Variants in DNAH14 observed in about 807,000 individuals in gnomAD.
The protein encoded by DNAH14 is axonemal beta dynein heavy chain 14.
In DNAH14, 478 loss-of-function variants were observed where a neutral mutation model predicts 520.9. The observed-to-expected ratio is 0.92, with a 90% CI of 0.85 to 0.99. The LOEUF is 0.99. Ranked by LOEUF, DNAH14 falls within the 50% of genes least tolerant of loss-of-function variation. The pLI is 0.00. For missense variants in DNAH14, 4,831 were observed against 5,234.5 expected (o/e 0.92, Z 2.38); for synonymous variants, 1,581 against 1,757.2 (o/e 0.90, Z 2.51).
chr1:224,998,425 C>T (rs76096089), intron 8 of DNAH14, among the ~76,000 whole-genome samples: 8,378 of 152,204 alleles, frequency 0.055, 467 homozygotes, highest in East Asian at 0.23. Flanking sequence ...AAATTTCTGT[C>T]AGCACTGGTT....
At position 225,002,927 on chromosome 1, in the gene DNAH14, G is replaced by A. The variant is rs1230478867; in HGVS notation, c.975G>A (p.Lys325=). ...ATCTATCTGCCATATGCCTTGTAAA[G>A]GTGAGTAGAAGTATACTACTATAAG... ...ENNLSAICLV[K]LDSSRTYSLD... is the part of the protein sequence containing the mutation. The change falls in exon 9 of 86, where the codon AAG becomes AAA. Residue 325 remains lysine, a splice_region_variant and synonymous_variant. Coordinates refer to ENST00000682510, the MANE Select transcript of DNAH14 (RefSeq NM_001367479.1). 7.1e-6 allele frequency: 11 copies of A among 1,543,958 alleles called. No individual in the cohort carries two copies. Among genetic ancestry groups the A allele is most frequent in the Non-Finnish European group, 9.6e-6 (11 of 1,143,526 alleles).
chr1:225,104,357 G>A (rs2075818740), intron 23 of DNAH14, among the ~76,000 whole-genome samples: 1 of 151,992 alleles, frequency 6.6e-6, no homozygotes, highest in African/African-American at 2.4e-5. Context: ...TTTTTTTGTT[G>A]TGTCTCTGTC....
rs548576209 is a variant in DNAH14, at chr1:225,014,409, T to C, written c.1107+6865T>C. On this transcript the variant is annotated intron_variant, in intron 10 of 85. Transcript: ENST00000682510. ...GGAGCTGTTTCTATTTGGCCATCTT[T>C]CCTCACTAGTTTTTTTTTTTTAATG... 1.4e-3 allele frequency among the ~76,000 whole-genome samples: 116 copies of C among 81,280 alleles called. No individual in the cohort carries two copies. In the South Asian group the frequency reaches 0.023, roughly 16 times the overall value. 53.3% of individuals were successfully genotyped at this position (81,280 alleles called of 152,430 possible).
intron 36 of DNAH14, among the ~76,000 whole-genome samples, chr1:225,170,120 C>T (rs1372359315): frequency 6.6e-6 from 1 of 152,132 alleles, no homozygotes; most frequent in Non-Finnish European, 1.5e-5. Flanking sequence ...CTGAAGGAAG[C>T]ACTAAACATG....
At chr1:225,301,900 G>A (rs6697705) in intron 56 of DNAH14, among the ~76,000 whole-genome samples, 63,742 of 151,526 alleles carry the variant, frequency 0.42, 13,517 homozygotes, top group South Asian at 0.51. Flanking sequence ...TTTTAATACC[G>A]TGGTAGGAAG....
intron 38 of DNAH14, among the ~76,000 whole-genome samples, chr1:225,197,259 G>A (rs2149377839): frequency 6.6e-6 from 1 of 152,126 alleles, no homozygotes; most frequent in East Asian, 1.9e-4. Flanking sequence ...TCCTATATGT[G>A]GCTTGCCAAT....
At chr1:224,990,407 AAAC>A (rs375390436) in intron 8 of DNAH14, among the ~76,000 whole-genome samples, 3 of 152,302 alleles carry the variant, frequency 2.0e-5, no homozygotes, top group African/African-American at 7.2e-5. Flanking sequence ...ATAGATGTCA[AAAC>A]AACAACTTAT....
At chr1:225,340,832 G>T in intron 69 of DNAH14, 131 bp downstream of exon 69, 3 of 1,095,472 alleles carry the variant, frequency 2.7e-6, no homozygotes, top group Non-Finnish European at 3.8e-6. Flanking sequence ...ATAAAGGTAG[G>T]TGAATCACCC....
At position 225,021,653 on chromosome 1, in the gene DNAH14, A is replaced by G. The variant is rs1847911; in HGVS notation, c.1108-1962A>G. Among the ~76,000 whole-genome samples, 12 of 152,318 alleles carry G rather than the reference A, an allele frequency of 7.9e-5. No homozygotes were observed. In the East Asian group the frequency reaches 2.3e-3, roughly 29 times the overall value. ...TTAGAGATGACACAAACAAATGGAAAAACATTCCATGCTGATGAATAGGAA... is the reference window on the plus strand; with the variant it reads ...TTAGAGATGACACAAACAAATGGAAGAACATTCCATGCTGATGAATAGGAA... On this transcript the variant is annotated intron_variant, in intron 10 of 85. Transcript: ENST00000682510.
chr1:225,344,681 C>A (rs1445080159), intron 69 of DNAH14, among the ~76,000 whole-genome samples: 1 of 145,898 alleles, frequency 6.9e-6, no homozygotes, highest in Non-Finnish European at 1.5e-5. Flanking sequence ...ATAGTGAAAA[C>A]TAGCCATTCT....
At chr1:225,377,938 T>C (rs1403270187) in intron 79 of DNAH14, among the ~76,000 whole-genome samples, 1 of 152,172 alleles carries the variant, frequency 6.6e-6, no homozygotes, top group Admixed American at 6.6e-5. Context: ...GTAACTTTTA[T>C]AAATCTAATA....
intron 56 of DNAH14, among the ~76,000 whole-genome samples, chr1:225,301,569 A>G (rs1442694068): frequency 6.6e-6 from 1 of 152,148 alleles, no homozygotes; most frequent in Admixed American, 6.6e-5. Flanking sequence ...GTCAAAATGA[A>G]CTCAACTTTC....
intron 81 of DNAH14, among the ~76,000 whole-genome samples, chr1:225,386,549 A>G (rs574314432): frequency 1.3e-5 from 2 of 152,300 alleles, no homozygotes; most frequent in East Asian, 3.9e-4. Context: ...AAATCAAATA[A>G]CCCTATTAAA....
At chr1:224,980,504 A>G (rs1359075713) in intron 8 of DNAH14, among the ~76,000 whole-genome samples, 1 of 152,186 alleles carries the variant, frequency 6.6e-6, no homozygotes, top group Non-Finnish European at 1.5e-5. Flanking sequence ...TTTGGACTCC[A>G]ATCCGTGGCT....
chr1:225,261,308 A>G (rs2092927554), intron 46 of DNAH14, among the ~76,000 whole-genome samples: 1 of 152,136 alleles, frequency 6.6e-6, no homozygotes, highest in Non-Finnish European at 1.5e-5. Flanking sequence ...GTTGAAGTAC[A>G]TTCCTTCTAT....
intron 17 of DNAH14, among the ~76,000 whole-genome samples, chr1:225,059,545 A>G (rs1040951711): frequency 1.3e-5 from 2 of 152,208 alleles, no homozygotes; most frequent in African/African-American, 4.8e-5. Flanking sequence ...TAATATCGTT[A>G]TGTGTGAATT....
chr1:225,378,916 C>T (rs11582134), intron 79 of DNAH14, among the ~76,000 whole-genome samples: 1 of 151,028 alleles, frequency 6.6e-6, no homozygotes, highest in Non-Finnish European at 1.5e-5. Flanking sequence ...AAAATCAGTC[C>T]CGGCTAGTAA....
chr1:225,267,824 G>A (rs1251220781), intron 49 of DNAH14, among the ~76,000 whole-genome samples: 2 of 151,566 alleles, frequency 1.3e-5, no homozygotes, highest in African/African-American at 4.9e-5. Context: ...AGCGCTATCA[G>A]GTCAGACGTC....
intron 52 of DNAH14, among the ~76,000 whole-genome samples, chr1:225,275,650 A>G (rs2093447906): frequency 2.0e-5 from 3 of 152,216 alleles, no homozygotes; most frequent in Admixed American, 2.0e-4. Flanking sequence ...CTTAAATAAA[A>G]CCATATTCTA....
Sources: allele counts gnomAD v4.1 joint callset (sites outside exome capture counted in the v4.1 genomes callset), GRCh38; gene constraint gnomAD v4.1.1; transcripts MANE v1.5; gene names NCBI Gene and HGNC (gene_info 2026-07-23, HGNC 2026-07-21).